Variants in SLC12A6 observed in about 807,000 individuals in gnomAD.
The protein encoded by SLC12A6 is solute carrier family 12 member 6, also known as K-Cl cotransporter 3.
SLC12A6 carries 66 observed loss-of-function variants against 135.3 expected under a neutral mutation model. The ratio of observed to expected loss-of-function variants is 0.49; its 90% CI spans 0.40 to 0.60. The LOEUF is 0.60. Among genes scored for constraint, SLC12A6 ranks in the 20% least tolerant of loss-of-function variants. The pLI is 0.00. For synonymous variants in SLC12A6, 513 were observed against 508.8 expected, an observed-to-expected ratio of 1.01 and a Z score of -0.11; for missense variants, 1,058 against 1,452.3, an observed-to-expected ratio of 0.73 and a Z score of 4.41.
chr15:34,244,387 T>C (rs564091025), intron 15 of SLC12A6, among the ~76,000 whole-genome samples: 1 of 152,352 alleles, frequency 6.6e-6, no homozygotes, highest in South Asian at 2.1e-4. Context: ...TCTCTTCCTT[T>C]TCATCTCTAC....
intron 2 of SLC12A6, among the ~76,000 whole-genome samples, chr15:34,275,908 A>C (rs1894265982): frequency 6.6e-6 from 1 of 152,284 alleles, no homozygotes; most frequent in Non-Finnish European, 1.5e-5. Flanking sequence ...AGAAAGGGCA[A>C]ATTTATGGAG....
At position 34,257,654 on chromosome 15, in the gene SLC12A6, G is replaced by T; in HGVS notation, c.678C>A (p.Ile226=). ...GVLQAFAIVL[I]CCCCTMLTAI... ...GTGCAGTACTTACACAGCAGCAGCA[G>T]ATAAGGACAATTGCAAAAGCCTGAA... is the stretch of plus-strand genomic sequence containing the variant. Residue 226 remains isoleucine (I), a synonymous_variant, in exon 6 of 26, where the codon ATC becomes ATA. Coordinates refer to ENST00000354181, the MANE Select transcript of SLC12A6 (RefSeq NM_001365088.1). The T allele has an allele frequency of 6.2e-7, 1 of 1,613,632 alleles. No individual in the cohort carries two copies.
chr15:34,242,530 T>G (rs1666104698), intron 16 of SLC12A6, among the ~76,000 whole-genome samples: 1 of 152,174 alleles, frequency 6.6e-6, no homozygotes, highest in African/African-American at 2.4e-5. Flanking sequence ...ACAGAAGATG[T>G]TTCCAACTGC....
In SLC12A6 at chr15:34,300,067, G is replaced by C. The variant is rs536713595; in HGVS notation, c.272-24678C>G. On this transcript the variant is annotated intron_variant, in intron 2 of 25. Coordinates refer to ENST00000354181, the MANE Select transcript of SLC12A6 (RefSeq NM_001365088.1). ...AAAGAAAAGGAAAGAGTGACAGAGA[G>C]ATTGAATATTGTAATATATCAAGGG... 1.6e-4 allele frequency among the ~76,000 whole-genome samples: 24 copies of C among 152,164 alleles called. No homozygotes were observed. In the South Asian group the frequency reaches 4.8e-3, roughly 30 times the overall value.
intron 2 of SLC12A6, among the ~76,000 whole-genome samples, chr15:34,322,263 A>G (rs989042057): frequency 2.0e-5 from 3 of 151,966 alleles, no homozygotes; most frequent in Non-Finnish European, 4.4e-5. Flanking sequence ...TGCCTGTAAT[A>G]CCAGCCACTG....
chr15:34,235,416 T>A lies in SLC12A6; in HGVS notation c.3228-102A>T. The A allele has an allele frequency of 7.3e-6, 6 of 820,806 alleles. No individual in the cohort carries two copies. The South Asian group carries it at 7.7e-5, about 11-fold the overall frequency. The allele number at this position is 820,806 out of a possible 1,614,324, so 50.8% of individuals were successfully genotyped here. A position where few individuals can be genotyped will look rare whatever the true frequency, so the allele number is the denominator to read the frequency against. On this transcript the variant is annotated intron_variant, in intron 24 of 25. Transcript: ENST00000354181. ...CTGAGCTTTTTCACTTGACTATGGA[T>A]AATCTGATAAAATGATTTTTTTTTT...
chr15:34,285,509 T>G (rs1331893046), intron 2 of SLC12A6, among the ~76,000 whole-genome samples: 1 of 136,408 alleles, frequency 7.3e-6, no homozygotes, highest in Non-Finnish European at 1.5e-5. Flanking sequence ...CTTATGATGG[T>G]TTTTTTTTTT....
chr15:34,235,131 G>A, intron 25 of SLC12A6, 50 bp downstream of exon 25: 1 of 1,530,326 alleles, frequency 6.5e-7, no homozygotes, highest in Non-Finnish European at 9.1e-7. Context: ...ATCTCAGAAA[G>A]AGGTTAAGGA....
intron 2 of SLC12A6, among the ~76,000 whole-genome samples, chr15:34,302,318 G>GA (rs201158325): frequency 0.012 from 1,813 of 151,968 alleles, 15 homozygotes; most frequent in Middle Eastern, 0.037. Flanking sequence ...TAAAAAAGAA[G>GA]AAAAAAAACT....
intron 2 of SLC12A6, among the ~76,000 whole-genome samples, chr15:34,327,058 G>C (rs533552887): frequency 1.3e-5 from 2 of 151,870 alleles, no homozygotes; most frequent in South Asian, 2.1e-4. Flanking sequence ...CTTATTATTT[G>C]TATGACCTTG....
chr15:34,293,906 G>A (rs923441724), intron 2 of SLC12A6, among the ~76,000 whole-genome samples: 1 of 152,146 alleles, frequency 6.6e-6, no homozygotes, highest in Admixed American at 6.5e-5. Context: ...CCCAGCCAGG[G>A]CTGATAGGTA....
chr15:34,291,559 T>C (rs1477887314), intron 2 of SLC12A6, among the ~76,000 whole-genome samples: 1 of 152,216 alleles, frequency 6.6e-6, no homozygotes, highest in Non-Finnish European at 1.5e-5. Flanking sequence ...TTCTCCTGAA[T>C]AATATCCTGA....
chr15:34,266,942 A>G (rs899264127), intron 3 of SLC12A6, among the ~76,000 whole-genome samples: 2 of 152,100 alleles, frequency 1.3e-5, no homozygotes, highest in African/African-American at 4.8e-5. Context: ...GGGTTCTAAC[A>G]TCTTTTTATT....
intron 2 of SLC12A6, among the ~76,000 whole-genome samples, chr15:34,332,538 C>CTT (rs948657330): frequency 6.6e-6 from 1 of 152,120 alleles, no homozygotes; most frequent in Non-Finnish European, 1.5e-5. Context: ...AATCCCTGAG[C>CTT]TTTAGGAGGC....
chr15:34,244,134 A>G, intron 15 of SLC12A6, 62 bp from the exon 16 acceptor site: 2 of 942,120 alleles, frequency 2.1e-6, no homozygotes, highest in Admixed American at 3.4e-5. Context: ...AAGGTTAAGT[A>G]ACTGAATACC....
intron 10 of SLC12A6, among the ~76,000 whole-genome samples, chr15:34,251,397 G>A (rs562071853): frequency 2.0e-5 from 3 of 152,120 alleles, no homozygotes; most frequent in Admixed American, 6.5e-5. Context: ...ACAGGCGCCT[G>A]CCACCACGCC....
At position 34,258,767 on chromosome 15, in the gene SLC12A6, T is replaced by C. The variant is rs780244964; in HGVS notation, c.543+46A>G. 4.6e-6 allele frequency: 7 copies of C among 1,525,768 alleles called. No homozygotes were observed. The African/African-American group carries it at 6.8e-5, about 15-fold the overall frequency. The allele number at this position is 1,525,768 out of a possible 1,614,324, so 94.5% of individuals were successfully genotyped here. On this transcript the variant is annotated intron_variant, in intron 5 of 25. Transcript: ENST00000354181. ...GCCTTAGGTATTTCCTTCTTTCTTA[T>C]ATACAGGGCTCTTTCTATGTATTCC...
chr15:34,310,415 G>C (rs1888101802), intron 2 of SLC12A6, among the ~76,000 whole-genome samples: 1 of 99,614 alleles, frequency 1.0e-5, no homozygotes, highest in Non-Finnish European at 2.0e-5. Context: ...CTGGGCTCAA[G>C]TGTGTGTGTG....
At chr15:34,327,315 T>C (rs1889534288) in intron 2 of SLC12A6, among the ~76,000 whole-genome samples, 1 of 152,162 alleles carries the variant, frequency 6.6e-6, no homozygotes, top group Non-Finnish European at 1.5e-5. Flanking sequence ...ACATAATCTT[T>C]TGTTTGCATC....
Sources: gnomAD v4.1 joint callset for allele counts (sites outside exome capture counted in the v4.1 genomes callset) on GRCh38, gnomAD v4.1.1 for gene constraint, MANE v1.5 for transcripts, NCBI Gene and HGNC (gene_info 2026-07-23, HGNC 2026-07-21) for gene names.